Variants in GFRA1 observed in about 807,000 individuals in gnomAD.
GFRA1 encodes the protein GDNF family receptor alpha 1.
Under a neutral mutation model 51.6 loss-of-function variants are expected in GFRA1, and 16 were observed. That is an observed-to-expected ratio of 0.31 (90% CI 0.21 to 0.47). The LOEUF is 0.47. Among genes scored for constraint, GFRA1 ranks in the 20% least tolerant of loss-of-function variants. GFRA1 has a pLI of 1.00. For missense variants in GFRA1, 530 were observed against 594.3 expected, an observed-to-expected ratio of 0.89 and a Z score of 1.13; for synonymous variants, 270 against 241.3, an observed-to-expected ratio of 1.12 and a Z score of -1.10.
chr10:116,187,896 G>A (rs1363441700), intron 5 of GFRA1, among the ~76,000 whole-genome samples: 1 of 152,114 alleles, frequency 6.6e-6, no homozygotes, highest in African/African-American at 2.4e-5. Flanking sequence ...GCTGGAGACA[G>A]AGATGCATTC....
At chr10:116,126,303 G>A (rs1397964675) in intron 5 of GFRA1, among the ~76,000 whole-genome samples, 1 of 152,244 alleles carries the variant, frequency 6.6e-6, no homozygotes, top group African/African-American at 2.4e-5. Flanking sequence ...AGCTCACAGA[G>A]CATATGCTGC....
intron 5 of GFRA1, among the ~76,000 whole-genome samples, chr10:116,157,989 C>A (rs1294186496): frequency 6.6e-6 from 1 of 152,160 alleles, no homozygotes; most frequent in Non-Finnish European, 1.5e-5. Flanking sequence ...ACTCTTTAAG[C>A]CTGGTGGGTC....
chr10:116,229,226 G>T (rs1205893752), intron 4 of GFRA1, among the ~76,000 whole-genome samples: 1 of 152,044 alleles, frequency 6.6e-6, no homozygotes, highest in African/African-American at 2.4e-5. Flanking sequence ...TAATACACTG[G>T]TTATACACAA....
intron 5 of GFRA1, among the ~76,000 whole-genome samples, chr10:116,159,986 C>T (rs1379020345): frequency 2.6e-5 from 4 of 152,168 alleles, no homozygotes; most frequent in Non-Finnish European, 5.9e-5. Flanking sequence ...AACAAAATCA[C>T]GTGAAATTTA....
chr10:116,107,303 G>A (rs538788918), intron 6 of GFRA1, among the ~76,000 whole-genome samples: 3 of 152,224 alleles, frequency 2.0e-5, no homozygotes, highest in Admixed American at 6.5e-5. Context: ...ACCAGCCCAG[G>A]GGGTCCACAC....
chr10:116,187,754 T>C (rs908480529), intron 5 of GFRA1, among the ~76,000 whole-genome samples: 1 of 152,164 alleles, frequency 6.6e-6, no homozygotes, highest in South Asian at 2.1e-4. Flanking sequence ...AGGGCAGCAG[T>C]TGAAATGTAA....
intron 5 of GFRA1, among the ~76,000 whole-genome samples, chr10:116,145,303 C>A (rs1457621339): frequency 6.6e-6 from 1 of 151,834 alleles, no homozygotes; most frequent in African/African-American, 2.4e-5. Context: ...CATAGAACTC[C>A]TATGAATCAA....
At chr10:116,171,740 G>T (rs1961047044) in intron 5 of GFRA1, among the ~76,000 whole-genome samples, 1 of 152,176 alleles carries the variant, frequency 6.6e-6, no homozygotes, top group Admixed American at 6.5e-5. Context: ...GGCTTTCCTT[G>T]AATTTTCCTT....
chr10:116,206,952 C>T (rs1224613041), intron 5 of GFRA1, among the ~76,000 whole-genome samples: 1 of 152,104 alleles, frequency 6.6e-6, no homozygotes, highest in Non-Finnish European at 1.5e-5. Context: ...TTCTTTTAAC[C>T]TTAATTCACC....
At chr10:116,211,535 G>T in intron 5 of GFRA1, 96 bp downstream of exon 5, 1 of 1,148,028 alleles carries the variant, frequency 8.7e-7, no homozygotes, top group South Asian at 1.3e-5. Context: ...TGTCCATAGA[G>T]AACGGGAAAC....
chr10:116,155,570 A>C (rs1169852970), intron 5 of GFRA1, among the ~76,000 whole-genome samples: 1 of 152,228 alleles, frequency 6.6e-6, no homozygotes, highest in Non-Finnish European at 1.5e-5. Flanking sequence ...GATTGTACAT[A>C]TCACCACAAA....
intron 5 of GFRA1, among the ~76,000 whole-genome samples, chr10:116,175,365 G>A (rs1025419779): frequency 6.6e-6 from 1 of 152,280 alleles, no homozygotes; most frequent in East Asian, 1.9e-4. Context: ...AGCTCCAAGA[G>A]ATGGCTTGAC....
intron 4 of GFRA1, among the ~76,000 whole-genome samples, chr10:116,258,441 T>A (rs1191977720): frequency 1.4e-5 from 2 of 147,728 alleles, no homozygotes; most frequent in Non-Finnish European, 3.0e-5. Context: ...ATTAATAAAA[T>A]ATATAATATA....
intron 4 of GFRA1, among the ~76,000 whole-genome samples, chr10:116,230,363 C>T (rs7078956): frequency 0.064 from 9,714 of 152,248 alleles, 1,004 homozygotes; most frequent in African/African-American, 0.22. Flanking sequence ...TGTTCAAGAT[C>T]ACAGTGATAG....
intron 5 of GFRA1, among the ~76,000 whole-genome samples, chr10:116,142,740 C>T (rs1429629056): frequency 1.3e-5 from 2 of 152,118 alleles, no homozygotes; most frequent in African/African-American, 4.8e-5. Context: ...ATTAATATAA[C>T]CACTTTGTGT....
rs56263127 is a variant in GFRA1 at position 116,057,990 on chromosome 10, T to TTGTGTGTGTGTGTGTGTGTG, written c.*6388_*6407dup. 8.5e-5 allele frequency: 11 copies of TTGTGTGTGTGTGTGTGTGTG among 129,028 alleles called. No individual in the cohort carries two copies. The highest frequency in any genetic ancestry group is 2.5e-4 in the Admixed American group (3 of 12,034). 8.0% of individuals were successfully genotyped at this position (129,028 alleles called of 1,614,324 possible). ...GCTGGATCATATAGCCCTCCAATCA[T>TTGTGTGTGTGTGTGTGTGTG]TGTGTGTGTGTGTGTGTGTGTGTGT... On this transcript the variant is annotated 3_prime_UTR_variant, in exon 11 of 11. Coordinates refer to ENST00000355422, the MANE Select transcript of GFRA1 (RefSeq NM_005264.8).
chr10:116,188,954 T>A (rs193186265), intron 5 of GFRA1, among the ~76,000 whole-genome samples: 74 of 149,946 alleles, frequency 4.9e-4, no homozygotes, highest in Non-Finnish European at 8.6e-4. Flanking sequence ...TTATCACAAT[T>A]TAAAAAAAAT....
chr10:116,126,922 A>C (rs933172643), intron 5 of GFRA1, among the ~76,000 whole-genome samples: 12 of 152,218 alleles, frequency 7.9e-5, no homozygotes, highest in Non-Finnish European at 1.6e-4. Flanking sequence ...TAGAAAAAGA[A>C]GGAAATCCTA....
chr10:116,238,688 C>T (rs552031473), intron 4 of GFRA1, among the ~76,000 whole-genome samples: 61 of 152,298 alleles, frequency 4.0e-4, no homozygotes, highest in Non-Finnish European at 7.4e-4. Context: ...GCAATTATTC[C>T]AATCTAATCC....
Sources: allele counts gnomAD v4.1 joint callset (sites outside exome capture counted in the v4.1 genomes callset), GRCh38; gene constraint gnomAD v4.1.1; transcripts MANE v1.5; gene names NCBI Gene and HGNC (gene_info 2026-07-23, HGNC 2026-07-21).